Variants in PLAC1 observed in about 807,000 individuals in gnomAD.
PLAC1 encodes placenta-specific protein 1.
For missense variants in PLAC1, 136 were observed against 163.2 expected (o/e 0.83, Z 0.91); for synonymous variants, 68 against 62.1 (o/e 1.09, Z -0.44).
chrX:134,617,163 A>G (rs2078187584), intron 1 of PLAC1, among the ~76,000 whole-genome samples: 2 of 109,905 alleles, frequency 1.8e-5, no homozygotes, highest in Admixed American at 1.9e-4. Flanking sequence ...TTATTTTTGT[A>G]TTTTTAGTAC....
intron 1 of PLAC1, among the ~76,000 whole-genome samples, chrX:134,738,059 CTG>C (rs765095817): frequency 8.9e-6 from 1 of 111,827 alleles, no homozygotes; most frequent in East Asian, 2.8e-4. Context: ...CTTTGTGACT[CTG>C]AGAGCCATCG....
intron 1 of PLAC1, among the ~76,000 whole-genome samples, chrX:134,632,859 C>T (rs891569248): frequency 9.0e-6 from 1 of 111,103 alleles, no homozygotes; most frequent in African/African-American, 3.3e-5. Context: ...AGAAGGCTCC[C>T]CTGATGTGGT....
chrX:134,617,847 C>T (rs1269063228), intron 1 of PLAC1, among the ~76,000 whole-genome samples: 2 of 112,227 alleles, frequency 1.8e-5, no homozygotes, highest in African/African-American at 3.2e-5. Flanking sequence ...TGCTAACACA[C>T]GAATTTTACT....
chrX:134,668,431 C>T (rs2078444293), intron 2 of PLAC1, among the ~76,000 whole-genome samples: 1 of 112,423 alleles, frequency 8.9e-6, no homozygotes, highest in Non-Finnish European at 1.9e-5. Flanking sequence ...CCTAAAGTCA[C>T]ACATCTATGA....
At chrX:134,707,284 A>G (rs1423170534) in intron 2 of PLAC1, among the ~76,000 whole-genome samples, 6 of 112,828 alleles carry the variant, frequency 5.3e-5, no homozygotes, top group Non-Finnish European at 9.4e-5. Context: ...GAACACTAAC[A>G]GAATTTATCA....
chrX:134,577,519 T>C (rs1254493488), intron 2 of PLAC1, among the ~76,000 whole-genome samples: 11 of 111,420 alleles, frequency 9.9e-5, no homozygotes, highest in Non-Finnish European at 1.9e-4. Flanking sequence ...TGAAGCCCCG[T>C]CTCCACTAAA....
At chrX:134,648,965 A>C (rs926237180) in intron 1 of PLAC1, among the ~76,000 whole-genome samples, 7 of 111,810 alleles carry the variant, frequency 6.3e-5, no homozygotes, top group Non-Finnish European at 1.3e-4. Context: ...ACTTACAATT[A>C]GGTTATATTA....
intron 1 of PLAC1, among the ~76,000 whole-genome samples, chrX:134,621,512 C>CAGT (rs1385204549): frequency 9.5e-6 from 1 of 105,228 alleles, no homozygotes; most frequent in East Asian, 3.0e-4. Context: ...ACCTCGGAGG[C>CAGT]AGTTAGTCCT....
Position 134,566,490 on chromosome X carries a change from G to T in PLAC1, c.193C>A (p.His65Asn), listed in dbSNP as rs1450099672. 8.3e-7 allele frequency: 1 copy of T among 1,211,714 alleles called. No homozygotes were observed. The highest frequency in any genetic ancestry group is 1.1e-6 in the Non-Finnish European group (1 of 895,258). Residue 65 changes from histidine (H) to asparagine (N), a missense_variant, in exon 3 of 3, where the codon CAT (histidine) becomes AAT (asparagine). Transcript: ENST00000359237. ...LHLGLGCPPNHVQPHAYQFTY... is the reference protein window; with the variant it reads ...LHLGLGCPPNNVQPHAYQFTY... ...AACTGGTAGGCGTGTGGCTGAACAT[G>T]GTTTGGGGGGCAACCCAGGCCCAAG...
At chrX:134,754,408 A>C (rs1269989471) in intron 1 of PLAC1, among the ~76,000 whole-genome samples, 1 of 111,737 alleles carries the variant, frequency 8.9e-6, no homozygotes, top group Non-Finnish European at 1.9e-5. Flanking sequence ...ACTGAGCAAA[A>C]TTTTAAAGTA....
intron 2 of PLAC1, among the ~76,000 whole-genome samples, chrX:134,720,148 G>C (rs1417433545): frequency 1.8e-5 from 2 of 112,042 alleles, no homozygotes; most frequent in Non-Finnish European, 3.8e-5. Context: ...AGTTCAGCAA[G>C]GTTGCAGGAT....
At chrX:134,709,096 T>C (rs1156611866) in intron 2 of PLAC1, among the ~76,000 whole-genome samples, 1 of 112,051 alleles carries the variant, frequency 8.9e-6, no homozygotes, top group African/African-American at 3.2e-5. Flanking sequence ...TGTTCATGTA[T>C]GGGAAGGCTC....
intron 2 of PLAC1, among the ~76,000 whole-genome samples, chrX:134,674,893 G>A (rs1309908478): frequency 1.8e-5 from 2 of 112,592 alleles, no homozygotes; most frequent in African/African-American, 3.2e-5. Flanking sequence ...CCTAAGCTCT[G>A]CTTTCACAAA....
chrX:134,650,099 A>G (rs2078354903), intron 1 of PLAC1, among the ~76,000 whole-genome samples: 1 of 112,143 alleles, frequency 8.9e-6, no homozygotes, highest in Non-Finnish European at 1.9e-5. Context: ...CCTTCAGTCT[A>G]TTACCATTAG....
intron 2 of PLAC1, among the ~76,000 whole-genome samples, chrX:134,727,864 T>C (rs1052722842): frequency 6.3e-5 from 7 of 111,941 alleles, no homozygotes; most frequent in African/African-American, 2.3e-4. Flanking sequence ...TTCAAATAGG[T>C]TCAAAGAGTG....
chrX:134,578,760 G>A (rs1361650878), intron 2 of PLAC1, among the ~76,000 whole-genome samples: 2 of 107,824 alleles, frequency 1.9e-5, no homozygotes, highest in Non-Finnish European at 3.8e-5. Context: ...GAATTTACAG[G>A]AGAGCTGATC....
Position 134,566,126 on chromosome X carries a change from GCCT to G in PLAC1, c.554_556del (p.Glu185del). 1 of 1,208,512 alleles carries G rather than the reference GCCT, an allele frequency of 8.3e-7. No individual in the cohort carries two copies. The highest frequency in any genetic ancestry group is 1.1e-6 in the Non-Finnish European group (1 of 892,441). On this transcript the variant is annotated inframe_deletion, in exon 3 of 3. Transcript: ENST00000359237. ...AAAGTGAGATGGCTGCAGAGGTTGA[GCCT>G]CCTGAGCCCCTGCTTGGTGACAAGG...
intron 2 of PLAC1, among the ~76,000 whole-genome samples, chrX:134,570,503 C>T (rs2077902811): frequency 9.0e-6 from 1 of 111,582 alleles, no homozygotes; most frequent in South Asian, 3.8e-4. Flanking sequence ...TTTGGGACTA[C>T]TGTCCAGCTT....
intron 2 of PLAC1, among the ~76,000 whole-genome samples, chrX:134,702,355 T>A (rs2078586366): frequency 8.9e-6 from 1 of 112,194 alleles, no homozygotes; most frequent in Admixed American, 9.4e-5. Flanking sequence ...TAGGTGCCCA[T>A]CAGTGGTGGA....
Sources: allele counts gnomAD v4.1 joint callset (sites outside exome capture counted in the v4.1 genomes callset), GRCh38; gene constraint gnomAD v4.1.1; transcripts MANE v1.5; gene names NCBI Gene and HGNC (gene_info 2026-07-23, HGNC 2026-07-21).